The following TSPAN14 variants were observed in gnomAD, a reference collection of about 807,000 sequenced individuals.
TSPAN14 encodes the protein tetraspanin-14.
TSPAN14 carries 16 observed loss-of-function variants against 36.6 expected under a neutral mutation model. That is an observed-to-expected ratio of 0.44 (90% CI 0.30 to 0.66). The LOEUF is 0.66. Ranked by LOEUF, TSPAN14 falls within the 30% of genes least tolerant of loss-of-function variation. TSPAN14 has a pLI of 0.12. For synonymous variants in TSPAN14, 139 were observed against 143.8 expected (o/e 0.97, Z 0.24); for missense variants, 231 against 355.1 (o/e 0.65, Z 2.81).
At chr10:80,514,178 C>A in intron 7 of TSPAN14, 115 bp downstream of exon 7, 1 of 923,804 alleles carries the variant, frequency 1.1e-6, no homozygotes, top group Non-Finnish European at 1.7e-6. Flanking sequence ...GGCAGTGAAG[C>A]TCTTGATGCC....
At chr10:80,455,225 A>G (rs1381945735) in intron 1 of TSPAN14, among the ~76,000 whole-genome samples, 1 of 151,968 alleles carries the variant, frequency 6.6e-6, no homozygotes, top group Non-Finnish European at 1.5e-5. Flanking sequence ...CTTAAAGTTG[A>G]TCTCCGGCGA....
At position 80,509,816 on chromosome 10, in the gene TSPAN14, C is replaced by T. The variant is rs140618219; in HGVS notation, c.450+345C>T. On this transcript the variant is annotated intron_variant, in intron 5 of 8. Coordinates refer to ENST00000429989, the Ensembl canonical transcript of TSPAN14. The surrounding 1 kb of genome is among the most constrained non-coding windows in gnomAD (Gnocchi z 4.7). ...GCAATCCTCCTTAGGCGCTGCATAC[C>T]GTAAGGCACAGCTTCTTCCCCCCGG... 1.5e-3 allele frequency: 344 copies of T among 225,428 alleles called. 4 individuals are homozygous for T. In the East Asian group the frequency reaches 0.02, roughly 13 times the overall value. The allele number at this position is 225,428 out of a possible 1,614,324, so 14.0% of individuals were successfully genotyped here.
chr10:80,502,026 A>T (rs1848549111), intron 2 of TSPAN14, among the ~76,000 whole-genome samples: 1 of 152,218 alleles, frequency 6.6e-6, no homozygotes, highest in South Asian at 2.1e-4. Flanking sequence ...AAATCAACAG[A>T]GGAGGTCACA....
chr10:80,514,142 G>C, intron 7 of TSPAN14, 79 bp downstream of exon 7: 4 of 1,376,320 alleles, frequency 2.9e-6, no homozygotes, highest in Non-Finnish European at 4.1e-6. Context: ...TTTAGCACGA[G>C]TGCAAATTGA....
chr10:80,507,480 C>G lies in TSPAN14; in HGVS notation c.279+106C>G, dbSNP rs74143157. 19,417 of 1,496,716 alleles carry G rather than the reference C, an allele frequency of 0.013. 1,885 individuals carry two copies. The African/African-American group carries it at 0.22, about 17-fold the overall frequency. The allele number at this position is 1,496,716 out of a possible 1,614,324, so 92.7% of individuals were successfully genotyped here. Reference sequence around the variant, plus strand: ...CAGAGCAGGTGGCAGCTCTTAGGAGCCTCCCCTAGGCCCCTGCCTGGGAGC... The same window carrying G: ...CAGAGCAGGTGGCAGCTCTTAGGAGGCTCCCCTAGGCCCCTGCCTGGGAGC... On this transcript the variant is annotated intron_variant, in intron 4 of 8. Transcript: ENST00000429989.
At chr10:80,508,376 C>T (rs550808534) in intron 4 of TSPAN14, among the ~76,000 whole-genome samples, 34 of 152,320 alleles carry the variant, frequency 2.2e-4, no homozygotes, top group African/African-American at 8.2e-4. Flanking sequence ...CCTCGGCCTC[C>T]CAAAGTGCTG....
In TSPAN14 at chr10:80,507,216, T is replaced by C. The variant is rs1196325587; in HGVS notation, c.133-12T>C. On this transcript the variant is annotated splice_polypyrimidine_tract_variant and intron_variant, in intron 3 of 8. Coordinates refer to ENST00000429989, the Ensembl canonical transcript of TSPAN14. The stretch of plus-strand genomic sequence containing the variant: ...TGGGCCAGTGCTGCCCTGCTTTCTC[T>C]GTCTCTTTCAGGGTGTGCTGTCCGA... 3 of 1,614,058 alleles carry C rather than the reference T, an allele frequency of 1.9e-6. No individual in the cohort carries two copies. Among genetic ancestry groups the C allele is most frequent in the African/African-American group, 2.7e-5 (2 of 74,932 alleles).
chr10:80,456,698 G>T (rs937247749), intron 1 of TSPAN14, among the ~76,000 whole-genome samples: 8 of 152,230 alleles, frequency 5.3e-5, no homozygotes, highest in African/African-American at 1.9e-4. Flanking sequence ...ATTTCATAGT[G>T]ATACTAATGT....
chr10:80,472,413 G>A lies in TSPAN14; in HGVS notation c.-17-16804G>A, dbSNP rs116963622. Among the ~76,000 whole-genome samples, 933 of 152,300 alleles carry A rather than the reference G, an allele frequency of 6.1e-3. 33 individuals are homozygous for A. Among genetic ancestry groups the A allele is most frequent in the Admixed American group, 0.049 (748 of 15,302 alleles). On this transcript the variant is annotated intron_variant, in intron 1 of 8. Coordinates refer to ENST00000429989, the Ensembl canonical transcript of TSPAN14. ...GGTCTGAGTCATTACCGGTGATATT[G>A]ACAATGATCGCTTGCTTATGGTGAT...
intron 5 of TSPAN14, among the ~76,000 whole-genome samples, chr10:80,511,710 TCCTC>T (rs1840633392): frequency 1.9e-5 from 1 of 52,274 alleles, no homozygotes; most frequent in Non-Finnish European, 3.7e-5. Context: ...AAAGGGCAGG[TCCTC>T]TCTCTCTCTC....
chr10:80,460,614 T>G (rs1382428263), intron 1 of TSPAN14, among the ~76,000 whole-genome samples: 1 of 152,192 alleles, frequency 6.6e-6, no homozygotes, highest in African/African-American at 2.4e-5. Flanking sequence ...GTTTCTCTCC[T>G]TGTAGGTGTC....
Position 80,464,013 on chromosome 10 carries a change from AGT to A in TSPAN14, c.-18+9646_-18+9647del, listed in dbSNP as rs534058878. 3.8e-3 allele frequency among the ~76,000 whole-genome samples: 583 copies of A among 152,320 alleles called. 11 individuals are homozygous for A. Among genetic ancestry groups the A allele is most frequent in the Non-Finnish European group, 7.1e-4 (48 of 68,030 alleles). On this transcript the variant is annotated intron_variant, in intron 1 of 8. Coordinates refer to ENST00000429989, the Ensembl canonical transcript of TSPAN14. ...GGCTCATGCAGCCTGTGCCCCTAAA[AGT>A]GTGAGGAGTCAGCCAGAGCGAGTTG...
At chr10:80,481,689 G>C (rs530464426) in intron 1 of TSPAN14, among the ~76,000 whole-genome samples, 13 of 152,182 alleles carry the variant, frequency 8.5e-5, no homozygotes, top group African/African-American at 2.9e-4. Flanking sequence ...AAAATGGCGC[G>C]ATCTCGGCTC....
intron 3 of TSPAN14, 59 bp from the exon 4 acceptor site, chr10:80,507,164 CCAGGG>C: frequency 6.3e-7 from 1 of 1,597,232 alleles, no homozygotes; most frequent in Middle Eastern, 1.7e-4. Context: ...CCTGCATCCC[CCAGGG>C]CAGCATCCTT....
intron 8 of TSPAN14, among the ~76,000 whole-genome samples, 155 bp downstream of exon 8, chr10:80,516,478 T>C (rs1053291983): frequency 6.6e-6 from 1 of 151,930 alleles, no homozygotes; most frequent in Admixed American, 6.6e-5. Flanking sequence ...GCTGAGAGAG[T>C]GTATGCGTGT....
intron 1 of TSPAN14, among the ~76,000 whole-genome samples, chr10:80,469,451 C>T (rs1399550911): frequency 1.3e-5 from 2 of 152,180 alleles, no homozygotes; most frequent in Non-Finnish European, 2.9e-5. Flanking sequence ...TACGCCTGCA[C>T]ATCCCCTGCA....
At chr10:80,476,467 A>G (rs886130554) in intron 1 of TSPAN14, among the ~76,000 whole-genome samples, 10 of 132,766 alleles carry the variant, frequency 7.5e-5, no homozygotes, top group Middle Eastern at 5.0e-3. Context: ...CCAGGCTGGA[A>G]TGCAGTGGCG....
At chr10:80,466,445 G>A (rs1308939016) in intron 1 of TSPAN14, 4 of 152,074 alleles carry the variant, frequency 2.6e-5, no homozygotes, top group South Asian at 2.1e-4. Flanking sequence ...TCATAGAGAC[G>A]AACTCTTGCA....
At chr10:80,506,988 A>G (rs1019337751) in intron 3 of TSPAN14, among the ~76,000 whole-genome samples, 2 of 152,200 alleles carry the variant, frequency 1.3e-5, no homozygotes, top group African/African-American at 4.8e-5. Context: ...GCTGCCTAGG[A>G]GGAACTTGTA....
Sources: gnomAD v4.1 joint callset for allele counts (sites outside exome capture counted in the v4.1 genomes callset) on GRCh38, gnomAD v4.1.1 for gene constraint, Gnocchi (gnomAD v3.1) non-coding constraint, MANE v1.5 for transcripts, NCBI Gene and HGNC (gene_info 2026-07-23, HGNC 2026-07-21) for gene names.